PKIB: variants seen among roughly 807,000 people sequenced by gnomAD.
The protein encoded by PKIB is PKI-beta.
Under a neutral mutation model 4.5 loss-of-function variants are expected in PKIB, and 2 were observed. The ratio of observed to expected loss-of-function variants is 0.44; its 90% CI spans 0.18 to 1.39. The LOEUF is 1.39. PKIB is among the 40% of genes most tolerant of loss of function. PKIB has a pLI of 0.27. For synonymous variants in PKIB, 38 were observed against 36.0 expected (o/e 1.06, Z -0.20); for missense variants, 94 against 92.6 (o/e 1.02, Z -0.06).
intron 2 of PKIB, among the ~76,000 whole-genome samples, chr6:122,512,910 AAT>A (rs1482781686): frequency 2.6e-5 from 4 of 152,168 alleles, no homozygotes; most frequent in Non-Finnish European, 4.4e-5. Flanking sequence ...ATAATTCTAA[AAT>A]ATATATCTCC....
chr6:122,525,102 C>T (rs76985868), intron 2 of PKIB, among the ~76,000 whole-genome samples: 6,173 of 151,544 alleles, frequency 0.041, 354 homozygotes, highest in East Asian at 0.14. Context: ...AATCTTCTCT[C>T]TTAGCACTGC....
chr6:122,701,556 G>T lies in PKIB; in HGVS notation c.-8-16231G>T, dbSNP rs1778813558. 11 of 1,569,016 alleles carry T rather than the reference G, an allele frequency of 7.0e-6. 1 individual carries two copies. Among genetic ancestry groups the T allele is most frequent in the Non-Finnish European group, 9.5e-6 (11 of 1,155,692 alleles). On this transcript the variant is annotated intron_variant, in intron 3 of 4. Transcript: ENST00000368452. ...ACAAGAGCATTGCAGAGTTAAAAGA[G>T]ATGGCATAACAGTGCCACATAGGCC...
intron 2 of PKIB, among the ~76,000 whole-genome samples, chr6:122,641,794 A>C (rs1776130272): frequency 6.6e-6 from 1 of 152,172 alleles, no homozygotes; most frequent in Admixed American, 6.5e-5. Context: ...CCTGGGTTCA[A>C]GTGATTCTCC....
intron 2 of PKIB, among the ~76,000 whole-genome samples, chr6:122,488,026 T>C (rs1775819348): frequency 6.6e-6 from 1 of 152,196 alleles, no homozygotes. Flanking sequence ...TGGAGGGATA[T>C]GTTTTTAGAC....
intron 1 of PKIB, among the ~76,000 whole-genome samples, chr6:122,472,881 G>C (rs1327160910): frequency 6.6e-6 from 1 of 152,180 alleles, no homozygotes; most frequent in African/African-American, 2.4e-5. Flanking sequence ...GGGAGGCTGA[G>C]GCAGGCGGGT....
intron 3 of PKIB, among the ~76,000 whole-genome samples, chr6:122,691,671 T>G (rs1232433870): frequency 2.6e-5 from 4 of 152,150 alleles, no homozygotes; most frequent in African/African-American, 9.7e-5. Flanking sequence ...CACATATCTC[T>G]TTTTCCCCAG....
rs9490518 is a variant in PKIB, at chr6:122,687,251, A to G, written c.-9+12107A>G. Among the ~76,000 whole-genome samples, 85 of 152,160 alleles carry G rather than the reference A, an allele frequency of 5.6e-4. 1 individual carries two copies. The highest frequency in any genetic ancestry group is 2.0e-3 in the African/African-American group (85 of 41,522). Reference sequence around the variant, plus strand: ...CTTTTCCTTAGTATATGTTCTTGGCACCTTTGTTGAAAATGAGTTTACTGT... The same window carrying G: ...CTTTTCCTTAGTATATGTTCTTGGCGCCTTTGTTGAAAATGAGTTTACTGT... On this transcript the variant is annotated intron_variant, in intron 3 of 4. Transcript: ENST00000368452.
chr6:122,669,721 GTTA>G (rs2114939545), intron 2 of PKIB, among the ~76,000 whole-genome samples: 1 of 152,108 alleles, frequency 6.6e-6, no homozygotes, highest in East Asian at 1.9e-4. Context: ...CCTCTCACCT[GTTA>G]TTTTGTTGGT....
At chr6:122,544,489 C>T (rs1343071296) in intron 2 of PKIB, among the ~76,000 whole-genome samples, 1 of 151,942 alleles carries the variant, frequency 6.6e-6, no homozygotes, top group Non-Finnish European at 1.5e-5. Context: ...GTCTGAAGTA[C>T]CCACCTCCCC....
chr6:122,522,181 A>G (rs914402421), intron 2 of PKIB, among the ~76,000 whole-genome samples: 2 of 152,260 alleles, frequency 1.3e-5, no homozygotes, highest in Non-Finnish European at 2.9e-5. Flanking sequence ...AATGCACATT[A>G]AAATGATGTA....
chr6:122,600,069 T>C (rs1774316964), intron 3 of PKIB, among the ~76,000 whole-genome samples: 1 of 152,000 alleles, frequency 6.6e-6, no homozygotes, highest in Non-Finnish European at 1.5e-5. Context: ...TTATTAAGTA[T>C]TAGCTTACAT....
intron 2 of PKIB, among the ~76,000 whole-genome samples, chr6:122,529,089 T>C (rs951896813): frequency 6.6e-6 from 1 of 152,176 alleles, no homozygotes; most frequent in Non-Finnish European, 1.5e-5. Flanking sequence ...AGAATTACAA[T>C]TGCCATTTTG....
chr6:122,503,437 C>G (rs1776304944), intron 2 of PKIB, among the ~76,000 whole-genome samples: 1 of 152,152 alleles, frequency 6.6e-6, no homozygotes, highest in Admixed American at 6.5e-5. Context: ...TATTAAAACT[C>G]AATTCAAACT....
chr6:122,519,063 A>G lies in PKIB; in HGVS notation c.-248+41124A>G, dbSNP rs115454544. On this transcript the variant is annotated intron_variant, in intron 2 of 6. Coordinates refer to the PKIB transcript ENST00000392491. ...TGGGGGAGATAAGATGTTTTAGGCT[A>G]GGGGTACCAGTCCGTGGGCTACTAG... 2.6e-3 allele frequency among the ~76,000 whole-genome samples: 398 copies of G among 152,252 alleles called. 4 individuals carry two copies. The highest frequency in any genetic ancestry group is 9.1e-3 in the African/African-American group (376 of 41,536).
At chr6:122,592,483 C>T (rs958465440) in intron 3 of PKIB, among the ~76,000 whole-genome samples, 9 of 152,090 alleles carry the variant, frequency 5.9e-5, no homozygotes, top group Non-Finnish European at 1.0e-4. Flanking sequence ...TATCGTCTAG[C>T]AATATAGTGT....
Position 122,725,654 on chromosome 6 carries a change from A to T in PKIB, c.*459A>T, listed in dbSNP as rs1451195821. 1 of 152,978 alleles carries T rather than the reference A, an allele frequency of 6.5e-6. No individual in the cohort carries two copies. Among genetic ancestry groups the T allele is most frequent in the Non-Finnish European group, 1.5e-5 (1 of 68,588 alleles). 9.5% of individuals were successfully genotyped at this position (152,978 alleles called of 1,614,324 possible). On this transcript the variant is annotated 3_prime_UTR_variant, in exon 5 of 5. Coordinates refer to ENST00000368452, the MANE Select transcript of PKIB (RefSeq NM_181795.3). ...AGAAAGAACAATAGTCAAAACTCAC[A>T]TGGATAGAGTGTGTTTGTTTTTTGC...
chr6:122,698,478 C>T (rs769789969), intron 3 of PKIB, among the ~76,000 whole-genome samples: 9 of 152,068 alleles, frequency 5.9e-5, no homozygotes, highest in African/African-American at 1.2e-4. Flanking sequence ...TCTGTGAGAC[C>T]CTCTATTTCC....
At chr6:122,474,459 T>C (rs1282651792) in intron 1 of PKIB, among the ~76,000 whole-genome samples, 1 of 152,234 alleles carries the variant, frequency 6.6e-6, no homozygotes, top group East Asian at 1.9e-4. Flanking sequence ...TAAGAAATAC[T>C]GATGGAGGGA....
chr6:122,672,127 G>T (rs1281042248), intron 2 of PKIB, among the ~76,000 whole-genome samples: 1 of 152,086 alleles, frequency 6.6e-6, no homozygotes, highest in Non-Finnish European at 1.5e-5. Flanking sequence ...TTCTTGAAAA[G>T]GCTGCTCTTG....
Sources: allele counts gnomAD v4.1 joint callset (sites outside exome capture counted in the v4.1 genomes callset), GRCh38; gene constraint gnomAD v4.1.1; transcripts MANE v1.5; gene names NCBI Gene and HGNC (gene_info 2026-07-23, HGNC 2026-07-21).